Variants in IRGM observed in about 807,000 individuals in gnomAD.
The protein encoded by IRGM is immunity-related GTPase family M protein.
For missense variants in IRGM, 288 were observed against 219.9 expected (o/e 1.31, Z -1.96); for synonymous variants, 98 against 80.6 (o/e 1.22, Z -1.16).
intron 1 of IRGM, among the ~76,000 whole-genome samples, chr5:150,856,118 T>C (rs1400234456): frequency 6.6e-6 from 1 of 152,158 alleles, no homozygotes; most frequent in Non-Finnish European, 1.5e-5. Flanking sequence ...TTTTATAAGT[T>C]AAATATGTGA....
At chr5:150,862,591 C>T (rs1754151972) in intron 1 of IRGM, among the ~76,000 whole-genome samples, 1 of 151,938 alleles carries the variant, frequency 6.6e-6, no homozygotes. Flanking sequence ...CTGCCACCTT[C>T]TCTTTTATTC....
At chr5:150,896,844 C>A (rs1561756080) in intron 3 of IRGM, 1 of 1,613,710 alleles carries the variant, frequency 6.2e-7, no homozygotes, top group Admixed American at 1.7e-5. Context: ...CTGCAGCTGA[C>A]CATCACCTTG....
chr5:150,858,022 T>A (rs961763780), intron 1 of IRGM, among the ~76,000 whole-genome samples: 2 of 152,170 alleles, frequency 1.3e-5, no homozygotes, highest in African/African-American at 2.4e-5. Context: ...CTGAATGGTA[T>A]TGCCTAGGTT....
intron 1 of IRGM, among the ~76,000 whole-genome samples, chr5:150,870,785 C>CA (rs1754271664): frequency 6.6e-6 from 1 of 152,052 alleles, no homozygotes; most frequent in Non-Finnish European, 1.5e-5. Flanking sequence ...TTAGAGCACT[C>CA]AGTAATCATA....
At chr5:150,849,740 G>C (rs1047765644), downstream of IRGM, among the ~76,000 whole-genome samples, 2 of 151,442 alleles carry the variant, frequency 1.3e-5, no homozygotes, top group African/African-American at 4.9e-5. Context: ...CCAAGTAGCT[G>C]AGACAACAGG....
chr5:150,860,953 C>T (rs1754127869), intron 1 of IRGM, among the ~76,000 whole-genome samples: 3 of 152,152 alleles, frequency 2.0e-5, no homozygotes, highest in South Asian at 4.1e-4. Flanking sequence ...CATGTGCACT[C>T]TAATGTCTGT....
At chr5:150,861,209 A>G (rs961206249) in intron 1 of IRGM, among the ~76,000 whole-genome samples, 1 of 152,172 alleles carries the variant, frequency 6.6e-6, no homozygotes, top group Non-Finnish European at 1.5e-5. Context: ...GGTCCTTGCT[A>G]TAGGCTGGGA....
At chr5:150,877,414 G>C (rs1754380576) in intron 1 of IRGM, among the ~76,000 whole-genome samples, 1 of 152,142 alleles carries the variant, frequency 6.6e-6, no homozygotes, top group Non-Finnish European at 1.5e-5. Context: ...CATGCTGAAT[G>C]CTTCCTGCCA....
At chr5:150,871,026 G>A (rs1230508699) in intron 1 of IRGM, among the ~76,000 whole-genome samples, 1 of 151,624 alleles carries the variant, frequency 6.6e-6, no homozygotes, top group African/African-American at 2.4e-5. Context: ...GCCAGAAAAA[G>A]GAAAACAAAA....
In IRGM at chr5:150,847,821, T is replaced by TTTGTTTGTTTC. The variant is rs1753895950; in HGVS notation, c.-303_-302insTTGTTTGTTTC. ...CATAAGCATTGGGTTTTGTTTGTTT[T>TTTGTTTGTTTC]GAGATGGAGTCTTGCTCTGTTGCCA... On this transcript the variant is annotated 5_prime_UTR_variant, in exon 2 of 2. It removes the in-frame stop codon of an upstream open reading frame in the 5' UTR. Transcript: ENST00000522154. The TTTGTTTGTTTC allele has an allele frequency of 3.8e-6, 1 of 262,834 alleles. No homozygotes were observed. The highest frequency in any genetic ancestry group is 6.6e-6 in the Non-Finnish European group (1 of 152,186). 16.3% of individuals were successfully genotyped at this position (262,834 alleles called of 1,614,324 possible).
At chr5:150,878,856 A>T (rs1652033220) in intron 2 of IRGM, among the ~76,000 whole-genome samples, 1 of 152,072 alleles carries the variant, frequency 6.6e-6, no homozygotes, top group Non-Finnish European at 1.5e-5. Flanking sequence ...TAAGAAAGAA[A>T]TAAGTGGCTG....
chr5:150,899,142 C>T (rs1287825453), intron 3 of IRGM, among the ~76,000 whole-genome samples: 1 of 152,054 alleles, frequency 6.6e-6, no homozygotes, highest in Non-Finnish European at 1.5e-5. Flanking sequence ...ATACATCCCT[C>T]ACAGTCCTGA....
At chr5:150,884,800 T>C (rs1754493004) in intron 3 of IRGM, among the ~76,000 whole-genome samples, 1 of 152,202 alleles carries the variant, frequency 6.6e-6, no homozygotes, top group African/African-American at 2.4e-5. Context: ...AAGTTCCTTA[T>C]AGATGTTGGA....
intron 3 of IRGM, among the ~76,000 whole-genome samples, chr5:150,893,625 A>AT (rs1391882552): frequency 6.6e-6 from 1 of 152,174 alleles, no homozygotes; most frequent in East Asian, 1.9e-4. Flanking sequence ...AGTAAGCCTG[A>AT]TAAAAGAATT....
At position 150,858,762 on chromosome 5, in the gene IRGM, T is replaced by G. The variant is rs556228804; in HGVS notation, c.158+10108T>G. 9.4e-4 allele frequency among the ~76,000 whole-genome samples: 143 copies of G among 152,322 alleles called. 1 individual carries two copies. The highest frequency in any genetic ancestry group is 3.3e-3 in the African/African-American group (137 of 41,570). The stretch of plus-strand genomic sequence containing the variant: ...TGGTGTATAAGAATGCTTGTAATTT[T>G]TGTACATTGATTTTGTATCCTGAGA... On this transcript the variant is annotated intron_variant and NMD_transcript_variant, in intron 1 of 3. Coordinates refer to the IRGM transcript ENST00000520549.
chr5:150,854,144 A>G (rs1469871646), intron 1 of IRGM, among the ~76,000 whole-genome samples: 3 of 152,056 alleles, frequency 2.0e-5, no homozygotes, highest in Admixed American at 2.0e-4. Flanking sequence ...AAGTTATAAC[A>G]ATCTATTTTG....
chr5:150,850,567 C>A (rs1419437803), downstream of IRGM, among the ~76,000 whole-genome samples: 2 of 151,900 alleles, frequency 1.3e-5, no homozygotes, highest in South Asian at 2.1e-4. Context: ...TTATTATGTA[C>A]CCCCCTTTTT....
intron 3 of IRGM, among the ~76,000 whole-genome samples, chr5:150,881,529 T>C (rs1050338349): frequency 6.6e-6 from 1 of 151,984 alleles, no homozygotes; most frequent in Non-Finnish European, 1.5e-5. Context: ...TAAAAACATA[T>C]GAAAGTATAA....
chr5:150,865,754 GA>G (rs1186921205), intron 1 of IRGM, among the ~76,000 whole-genome samples: 12 of 152,164 alleles, frequency 7.9e-5, no homozygotes, highest in African/African-American at 2.4e-4. Context: ...TTCATTATCA[GA>G]AAAGATGACT....
Sources: gnomAD v4.1 joint callset for allele counts (sites outside exome capture counted in the v4.1 genomes callset) on GRCh38, gnomAD v4.1.1 for gene constraint, MANE v1.5 for transcripts, NCBI Gene and HGNC (gene_info 2026-07-23, HGNC 2026-07-21) for gene names.